The following SPARC variants were observed in gnomAD, a reference collection of about 807,000 sequenced individuals.
The protein encoded by SPARC is basement-membrane protein 40.
Under a neutral mutation model 37.7 loss-of-function variants are expected in SPARC, and 23 were observed. The observed-to-expected ratio is 0.61, with a 90% CI of 0.44 to 0.87. The LOEUF (loss-of-function observed/expected upper bound fraction) is 0.87. Among genes scored for constraint, SPARC ranks in the 40% least tolerant of loss-of-function variants. SPARC has a pLI of 0.00. For missense variants in SPARC, 312 were observed against 389.0 expected (o/e 0.80, Z 1.66); for synonymous variants, 155 against 150.8 (o/e 1.03, Z -0.20).
Position 151,666,264 on chromosome 5 carries a change from G to A in SPARC, c.734+97C>T, listed in dbSNP as rs1358202923. 5 of 1,246,682 alleles carry A rather than the reference G, an allele frequency of 4.0e-6. No homozygotes were observed. The African/African-American group carries it at 6.1e-5, about 15-fold the overall frequency. 77.2% of individuals were successfully genotyped at this position (1,246,682 alleles called of 1,614,324 possible). ...ATCCCCAGGCAAACTGTGGATGCCA[G>A]GGCTTGGAGCAGTATAGGCTGCTGA... On this transcript the variant is annotated intron_variant, in intron 8 of 9. Transcript: ENST00000231061.
At chr5:151,672,150 A>C (rs1309070350) in intron 4 of SPARC, among the ~76,000 whole-genome samples, 2 of 152,330 alleles carry the variant, frequency 1.3e-5, no homozygotes, top group Non-Finnish European at 1.5e-5. Context: ...AGTAAAGGAA[A>C]AGGGAGAAGA....
chr5:151,683,605 T>C (rs1761060525), intron 1 of SPARC, among the ~76,000 whole-genome samples: 1 of 152,228 alleles, frequency 6.6e-6, no homozygotes, highest in South Asian at 2.1e-4. Context: ...TGTTTGACTG[T>C]GCATATGTTT....
rs1057342967 is a variant in SPARC, at chr5:151,661,634, A to G, written c.*1937T>C. 3 of 152,188 alleles carry G rather than the reference A, an allele frequency of 2.0e-5. No homozygotes were observed. Among genetic ancestry groups the G allele is most frequent in the African/African-American group, 7.2e-5 (3 of 41,444 alleles). The allele number at this position is 152,188 out of a possible 1,614,324, so 9.4% of individuals were successfully genotyped here. ...AAAATACGACACTAACATGATGAAC[A>G]TGCATGAGCTTTGAAAAGTGCTCTG... is the stretch of plus-strand genomic sequence containing the variant. On this transcript the variant is annotated 3_prime_UTR_variant, in exon 10 of 10. Coordinates refer to ENST00000231061, the MANE Select transcript of SPARC (RefSeq NM_003118.4).
chr5:151,685,422 TCACACACA>T (rs3033198), intron 1 of SPARC, among the ~76,000 whole-genome samples: 60 of 140,518 alleles, frequency 4.3e-4, no homozygotes, highest in African/African-American at 1.4e-3. Context: ...CCTCTCTCTC[TCACACACA>T]CACACACACA....
At chr5:151,678,337 C>T (rs531086371) in intron 1 of SPARC, among the ~76,000 whole-genome samples, 25 of 152,278 alleles carry the variant, frequency 1.6e-4, no homozygotes, top group African/African-American at 2.4e-4. Flanking sequence ...TTTCGCTGGG[C>T]GGCTCTTCTG....
intron 5 of SPARC, 41 bp from the exon 6 acceptor site, chr5:151,669,825 A>G (rs1370461403): frequency 1.9e-6 from 3 of 1,611,674 alleles, no homozygotes; most frequent in Admixed American, 3.3e-5. Context: ...TCATTCCCAA[A>G]GCCCTTCGCT....
At chr5:151,676,763 C>T (rs1267974064) in intron 1 of SPARC, among the ~76,000 whole-genome samples, 3 of 152,176 alleles carry the variant, frequency 2.0e-5, no homozygotes, top group Non-Finnish European at 1.5e-5. Flanking sequence ...CCAATCTCTC[C>T]TCTTCCTCCT....
At chr5:151,672,884 C>T in intron 4 of SPARC, 1 of 512,116 alleles carries the variant, frequency 2.0e-6, no homozygotes, top group South Asian at 2.3e-5. Flanking sequence ...AGCCCATTTC[C>T]AGCTGGAGAA....
At chr5:151,686,277 T>C (rs774700267) in intron 1 of SPARC, 33 of 152,170 alleles carry the variant, frequency 2.2e-4, no homozygotes, top group Admixed American at 6.5e-4. Context: ...AATTTGTGTA[T>C]TGGGGGGACG....
intron 1 of SPARC, chr5:151,684,941 AGGGCAG>A (rs1761094961): frequency 6.6e-6 from 1 of 152,256 alleles, no homozygotes; most frequent in African/African-American, 2.4e-5. Context: ...AGAGATCACA[AGGGCAG>A]GGCCTAGAAT....
intron 1 of SPARC, chr5:151,686,539 A>C (rs1304267745): frequency 6.6e-6 from 1 of 152,262 alleles, no homozygotes; most frequent in African/African-American, 2.4e-5. Context: ...CAAAGGGAGC[A>C]AAGAGGACAG....
At chr5:151,681,688 T>C (rs1760994892) in intron 1 of SPARC, among the ~76,000 whole-genome samples, 1 of 152,124 alleles carries the variant, frequency 6.6e-6, no homozygotes, top group Non-Finnish European at 1.5e-5. Flanking sequence ...GGTCAGCAGT[T>C]CGAGACCAGC....
intron 2 of SPARC, 34 bp from the exon 3 acceptor site, chr5:151,674,708 C>T (rs762655829): frequency 1.2e-6 from 2 of 1,608,670 alleles, no homozygotes; most frequent in African/African-American, 1.3e-5. Context: ...TCAGAGGGGT[C>T]AGGAATAAGG....
In SPARC at chr5:151,661,636, G is replaced by T. The variant is rs1216838004; in HGVS notation, c.*1935C>A. 6.6e-6 allele frequency: 1 copy of T among 152,132 alleles called. No homozygotes were observed. The highest frequency in any genetic ancestry group is 1.5e-5 in the Non-Finnish European group (1 of 68,024). 9.4% of individuals were successfully genotyped at this position (152,132 alleles called of 1,614,324 possible). A position where few individuals can be genotyped will look rare whatever the true frequency, so the allele number is the denominator to read the frequency against. ...AATACGACACTAACATGATGAACATGCATGAGCTTTGAAAAGTGCTCTGTA... is the reference window on the plus strand; with the variant it reads ...AATACGACACTAACATGATGAACATTCATGAGCTTTGAAAAGTGCTCTGTA... On this transcript the variant is annotated 3_prime_UTR_variant, in exon 10 of 10. Transcript: ENST00000231061.
intron 1 of SPARC, among the ~76,000 whole-genome samples, chr5:151,682,378 G>GT (rs761656712): frequency 6.6e-6 from 1 of 152,156 alleles, no homozygotes; most frequent in Non-Finnish European, 1.5e-5. Flanking sequence ...CTGCATTGTG[G>GT]TGACCACAAA....
intron 2 of SPARC, 67 bp from the exon 3 acceptor site, chr5:151,674,741 T>A: frequency 6.6e-7 from 1 of 1,513,030 alleles, no homozygotes; most frequent in South Asian, 1.1e-5. Context: ...CCAAAGTGCC[T>A]GTGGCCTCGG....
intron 6 of SPARC, 160 bp from the exon 7 acceptor site, chr5:151,667,760 G>A (rs1277277975): frequency 1.4e-6 from 1 of 740,352 alleles, no homozygotes; most frequent in East Asian, 2.7e-5. Flanking sequence ...GAGCAGAGGA[G>A]ATTATGTGTG....
rs1486498394 is a variant in SPARC at position 151,662,428 on chromosome 5, C to G, written c.*1143G>C. ...TAAGACTAAGACACATGCAAATCAC[C>G]CAGGAAGGCAGTTTCTAAGTCATTA... On this transcript the variant is annotated 3_prime_UTR_variant, in exon 10 of 10. Coordinates refer to ENST00000231061, the MANE Select transcript of SPARC (RefSeq NM_003118.4). 6.6e-6 allele frequency: 1 copy of G among 152,552 alleles called. No homozygotes were observed. The highest frequency in any genetic ancestry group is 2.4e-5 in the African/African-American group (1 of 41,430). 9.4% of individuals were successfully genotyped at this position (152,552 alleles called of 1,614,324 possible). A position where few individuals can be genotyped will look rare whatever the true frequency, so the allele number is the denominator to read the frequency against.
rs944805329 is a variant in SPARC at position 151,664,207 on chromosome 5, G to A, written c.763C>T (p.Leu255=). 5 of 1,614,018 alleles carry A rather than the reference G, an allele frequency of 3.1e-6. No homozygotes were observed. In the African/African-American group the frequency reaches 6.7e-5, roughly 22 times the overall value. ...TCCATGGGGATGAGGGGAGCACGCA[G>A]TGGAGCCAGCTCGGTGTGGGAGAGG... is the stretch of plus-strand genomic sequence containing the variant. ...GYLSHTELAP[L]RAPLIPMEHC... Residue 255 remains leucine (L), a synonymous_variant, in exon 9 of 10, where the codon CTG becomes TTG. Coordinates refer to ENST00000231061, the MANE Select transcript of SPARC (RefSeq NM_003118.4).
Sources: gnomAD v4.1 joint callset for allele counts (sites outside exome capture counted in the v4.1 genomes callset) on GRCh38, gnomAD v4.1.1 for gene constraint, MANE v1.5 for transcripts, NCBI Gene and HGNC (gene_info 2026-07-23, HGNC 2026-07-21) for gene names.